ASIC2: variants seen among roughly 807,000 people sequenced by gnomAD.
The protein encoded by ASIC2 is acid-sensing ion channel 2.
A neutral mutation model predicts 57.3 loss-of-function variants in ASIC2; 25 were observed. The observed-to-expected ratio is 0.44, with a 90% CI of 0.32 to 0.61. The LOEUF (loss-of-function observed/expected upper bound fraction) is 0.61, where lower values mean the gene tolerates loss of function less well. ASIC2 is among the 20% of genes least tolerant of loss of function. The pLI is 0.06. For missense variants in ASIC2, 641 were observed against 738.1 expected (o/e 0.87, Z 1.52); for synonymous variants, 319 against 307.5 (o/e 1.04, Z -0.39).
chr17:33,075,359 G>C (rs189677573), intron 3 of ASIC2, among the ~76,000 whole-genome samples: 6 of 152,098 alleles, frequency 3.9e-5, no homozygotes, highest in Non-Finnish European at 7.4e-5. Flanking sequence ...ACCCACTCTC[G>C]GGTATGTCTT....
At chr17:33,438,467 C>T (rs1911706127) in intron 1 of ASIC2, among the ~76,000 whole-genome samples, 1 of 152,082 alleles carries the variant, frequency 6.6e-6, no homozygotes, top group African/African-American at 2.4e-5. Flanking sequence ...AAATTTTCTT[C>T]TTTATAAGCT....
intron 3 of ASIC2, among the ~76,000 whole-genome samples, chr17:33,086,895 AT>A (rs1350058234): frequency 6.6e-6 from 1 of 151,656 alleles, no homozygotes; most frequent in East Asian, 1.9e-4. Context: ...GTTTTTTATG[AT>A]TTTTTTACTT....
chr17:34,148,514 C>T (rs1904381586), intron 1 of ASIC2, among the ~76,000 whole-genome samples: 1 of 152,142 alleles, frequency 6.6e-6, no homozygotes, highest in Admixed American at 6.5e-5. Context: ...ATCTATTTTG[C>T]ATTAGTTACA....
At chr17:33,628,936 G>A (rs569723186) in intron 1 of ASIC2, among the ~76,000 whole-genome samples, 2 of 152,278 alleles carry the variant, frequency 1.3e-5, no homozygotes, top group African/African-American at 4.8e-5. Context: ...TCTGTTGCAC[G>A]TGGGAGCCCT....
chr17:33,739,181 G>C (rs899217050), intron 1 of ASIC2, among the ~76,000 whole-genome samples: 1 of 152,190 alleles, frequency 6.6e-6, no homozygotes, highest in African/African-American at 2.4e-5. Context: ...AAGTTTATAT[G>C]ACAAATGAAT....
intron 1 of ASIC2, among the ~76,000 whole-genome samples, chr17:33,850,835 C>T (rs1441521991): frequency 6.6e-6 from 1 of 151,864 alleles, no homozygotes; most frequent in South Asian, 2.1e-4. Flanking sequence ...GCATTTGGGG[C>T]TTGCAGTATC....
At chr17:33,213,946 G>A (rs1435086781) in intron 1 of ASIC2, among the ~76,000 whole-genome samples, 3 of 152,212 alleles carry the variant, frequency 2.0e-5, no homozygotes, top group African/African-American at 4.8e-5. Flanking sequence ...ACCCAGAGGT[G>A]AGTGTGCTGC....
chr17:33,917,429 C>A (rs993234004), intron 1 of ASIC2, among the ~76,000 whole-genome samples: 1 of 152,168 alleles, frequency 6.6e-6, no homozygotes, highest in East Asian at 1.9e-4. Flanking sequence ...GTCATTGCAA[C>A]CCCTTCACAT....
chr17:33,728,643 T>C (rs866435293), intron 1 of ASIC2, among the ~76,000 whole-genome samples: 4 of 152,242 alleles, frequency 2.6e-5, no homozygotes, highest in Non-Finnish European at 4.4e-5. Flanking sequence ...GAGTACTGGG[T>C]CTATCTAACT....
intron 1 of ASIC2, among the ~76,000 whole-genome samples, chr17:33,665,994 T>C (rs1477994117): frequency 1.3e-5 from 2 of 152,136 alleles, no homozygotes; most frequent in Non-Finnish European, 2.9e-5. Context: ...GTAACATATA[T>C]TTACATACAG....
At chr17:33,036,673 A>C (rs938159656) in intron 3 of ASIC2, among the ~76,000 whole-genome samples, 20 of 152,028 alleles carry the variant, frequency 1.3e-4, no homozygotes, top group Admixed American at 9.8e-4. Context: ...CTCCTAAAGC[A>C]CTAGGGTTAC....
At chr17:33,973,173 CAG>C (rs1260556932) in intron 1 of ASIC2, among the ~76,000 whole-genome samples, 2 of 152,240 alleles carry the variant, frequency 1.3e-5, no homozygotes, top group Non-Finnish European at 2.9e-5. Context: ...GTGGAACACA[CAG>C]AGCTCAGCTC....
intron 1 of ASIC2, among the ~76,000 whole-genome samples, chr17:33,428,580 T>A (rs1401955432): frequency 6.6e-6 from 1 of 152,122 alleles, no homozygotes; most frequent in Non-Finnish European, 1.5e-5. Context: ...TAAATTTCCC[T>A]TAGGACACAG....
At chr17:33,200,667 A>G (rs550586993) in intron 1 of ASIC2, among the ~76,000 whole-genome samples, 12 of 151,694 alleles carry the variant, frequency 7.9e-5, no homozygotes, top group Admixed American at 3.3e-4. Flanking sequence ...CCTTCTTATC[A>G]CCCCCATTTT....
intron 1 of ASIC2, among the ~76,000 whole-genome samples, chr17:33,374,412 G>A (rs1357683953): frequency 5.9e-5 from 9 of 152,076 alleles, no homozygotes; most frequent in Non-Finnish European, 1.5e-5. Context: ...CTCAGTGCAC[G>A]AGGATGGTTT....
In ASIC2 at chr17:34,020,172, C is replaced by A. The variant is rs533700079; in HGVS notation, c.555+135806G>T. Among the ~76,000 whole-genome samples the A allele has an allele frequency of 2.6e-5, 4 of 152,278 alleles. No homozygotes were observed. In the East Asian group the frequency reaches 7.7e-4, roughly 29 times the overall value. On this transcript the variant is annotated intron_variant, in intron 1 of 9. Transcript: ENST00000359872. ...ACAGCATAATTGCAGTTTGCATGAC[C>A]AAAGTCATTATTTTTATCAGTGTAT...
rs548084715 is a variant in ASIC2, at chr17:33,531,672, C to T, written c.556-419605G>A. On this transcript the variant is annotated intron_variant, in intron 1 of 9. Transcript: ENST00000359872. ...CATCCACACACCTCCCAGTGGGTCACGACTTCCTAGGGCTTATCCCACTGC... is the reference window on the plus strand; with the variant it reads ...CATCCACACACCTCCCAGTGGGTCATGACTTCCTAGGGCTTATCCCACTGC... Among the ~76,000 whole-genome samples the T allele has an allele frequency of 9.4e-4, 143 of 152,274 alleles. 1 individual carries two copies. Among genetic ancestry groups the T allele is most frequent in the Middle Eastern group, 3.4e-3 (1 of 294 alleles).
rs1251268048 is a variant in ASIC2 at position 33,628,113 on chromosome 17, A to G, written c.556-516046T>C. ...CTAGGACAACCCTGATTGGACCTCAAAGAAGCCAAAGGATGCCAATGTCCT... is the reference window on the plus strand; with the variant it reads ...CTAGGACAACCCTGATTGGACCTCAGAGAAGCCAAAGGATGCCAATGTCCT... On this transcript the variant is annotated intron_variant, in intron 1 of 9. Transcript: ENST00000359872. Among the ~76,000 whole-genome samples, 5 of 152,130 alleles carry G rather than the reference A, an allele frequency of 3.3e-5. No homozygotes were observed. In the East Asian group the frequency reaches 9.6e-4, roughly 29 times the overall value.
chr17:34,113,098 C>T (rs923324121), intron 1 of ASIC2, among the ~76,000 whole-genome samples: 3 of 152,140 alleles, frequency 2.0e-5, no homozygotes, highest in Non-Finnish European at 2.9e-5. Flanking sequence ...TTCATCTGGG[C>T]TCTGTGCAAC....
Sources: gnomAD v4.1 joint callset for allele counts (sites outside exome capture counted in the v4.1 genomes callset) on GRCh38, gnomAD v4.1.1 for gene constraint, MANE v1.5 for transcripts, NCBI Gene and HGNC (gene_info 2026-07-23, HGNC 2026-07-21) for gene names.